Variants in ARFGEF2 observed in about 807,000 individuals in gnomAD.
The protein encoded by ARFGEF2 is brefeldin A-inhibited guanine nucleotide-exchange protein 2.
Under a neutral mutation model 219.9 loss-of-function variants are expected in ARFGEF2, and 74 were observed. The ratio of observed to expected loss-of-function variants is 0.34; its 90% CI spans 0.28 to 0.41. The LOEUF (loss-of-function observed/expected upper bound fraction) is 0.41, where lower values mean the gene tolerates loss of function less well. ARFGEF2 is among the 10% of genes least tolerant of loss of function. ARFGEF2 has a pLI of 1.00. For missense variants in ARFGEF2, 1,743 were observed against 2,218.3 expected (o/e 0.79, Z 4.30); for synonymous variants, 733 against 799.2 (o/e 0.92, Z 1.40).
At chr20:48,947,655 G>A (rs1173209440) in intron 3 of ARFGEF2, among the ~76,000 whole-genome samples, 2 of 151,758 alleles carry the variant, frequency 1.3e-5, no homozygotes, top group Non-Finnish European at 2.9e-5. Context: ...GAACTCAGGA[G>A]TTTAAGACCA....
chr20:48,924,892 CA>C (rs746138877), intron 1 of ARFGEF2, among the ~76,000 whole-genome samples: 27 of 152,118 alleles, frequency 1.8e-4, no homozygotes, highest in Admixed American at 4.6e-4. Flanking sequence ...TTGACATGTG[CA>C]AAAAACTTGG....
Position 48,971,145 on chromosome 20 carries a change from G to A in ARFGEF2, c.1216G>A (p.Val406Ile), listed in dbSNP as rs970042155. 6.2e-7 allele frequency: 1 copy of A among 1,614,100 alleles called. No homozygotes were observed. The highest frequency in any genetic ancestry group is 1.1e-5 in the South Asian group (1 of 91,068). ...PKSHELRSKVVSLQLLLSVLQ... is the reference protein window; with the variant it reads ...PKSHELRSKVISLQLLLSVLQ... ...ATCCCATGAGCTGCGTTCCAAGGTGGTTTCCCTGCAGCTGCTCCTCTCTGT... is the reference window on the plus strand; with the variant it reads ...ATCCCATGAGCTGCGTTCCAAGGTGATTTCCCTGCAGCTGCTCCTCTCTGT... Residue 406 changes from valine (V) to isoleucine (I), a missense_variant, in exon 10 of 39, where the codon GTT becomes ATT. By Grantham distance (29) the Val-to-Ile change is conservative. This residue lies in a region of ARFGEF2 where 666 missense variants were observed against 955.4 expected (regional missense o/e 0.70). Transcript: ENST00000371917.
At chr20:48,968,129 G>T (rs966817769) in intron 8 of ARFGEF2, among the ~76,000 whole-genome samples, 2 of 151,896 alleles carry the variant, frequency 1.3e-5, no homozygotes. Context: ...GAGTAGCTGG[G>T]ACTACAGGTG....
At chr20:48,932,021 G>T (rs1221707586) in intron 1 of ARFGEF2, among the ~76,000 whole-genome samples, 1 of 152,194 alleles carries the variant, frequency 6.6e-6, no homozygotes, top group Non-Finnish European at 1.5e-5. Flanking sequence ...GATGGCCCAG[G>T]TGGGAGATAA....
At chr20:49,011,831 A>AG in intron 27 of ARFGEF2, 93 bp from the exon 28 acceptor site, 1 of 1,112,746 alleles carries the variant, frequency 9.0e-7, no homozygotes, top group Non-Finnish European at 1.3e-6. Flanking sequence ...TCTCTGATGT[A>AG]TGTGTGTGTG....
chr20:48,966,073 A>G, intron 8 of ARFGEF2, 50 bp downstream of exon 8: 1 of 1,609,964 alleles, frequency 6.2e-7, no homozygotes, highest in Non-Finnish European at 8.5e-7. Flanking sequence ...TTACTTTTTC[A>G]AAAGATGCAG....
chr20:49,025,983 A>G (rs372100057), intron 36 of ARFGEF2, among the ~76,000 whole-genome samples: 6,779 of 84,122 alleles, frequency 0.081, 458 homozygotes, highest in African/African-American at 0.19. Context: ...CTCCATCTGG[A>G]AAAAAAAAAA....
At chr20:49,006,881 TTG>T (rs769130649) in intron 26 of ARFGEF2, among the ~76,000 whole-genome samples, 21 of 150,980 alleles carry the variant, frequency 1.4e-4, no homozygotes, top group Non-Finnish European at 1.6e-4. Flanking sequence ...TTGGAGGTTT[TTG>T]TTTTTTTTTT....
At chr20:48,947,394 T>G (rs2091035128) in intron 3 of ARFGEF2, among the ~76,000 whole-genome samples, 1 of 148,884 alleles carries the variant, frequency 6.7e-6, no homozygotes, top group Non-Finnish European at 1.5e-5. Flanking sequence ...AGTGAGACTC[T>G]GCCTCCAAAA....
At chr20:49,017,174 T>C in intron 31 of ARFGEF2, 75 bp from the exon 32 acceptor site, 1 of 1,477,886 alleles carries the variant, frequency 6.8e-7, no homozygotes, top group Non-Finnish European at 9.3e-7. Context: ...CAACTCACAA[T>C]ATACAGTATT....
chr20:49,026,275 G>A (rs1439693941), intron 36 of ARFGEF2, among the ~76,000 whole-genome samples: 1 of 152,066 alleles, frequency 6.6e-6, no homozygotes, highest in African/African-American at 2.4e-5. Flanking sequence ...AGGTTGCAGT[G>A]AGCCAAGATT....
chr20:48,960,746 G>C (rs1163723662), intron 6 of ARFGEF2, among the ~76,000 whole-genome samples: 1 of 150,698 alleles, frequency 6.6e-6, no homozygotes, highest in Non-Finnish European at 1.5e-5. Flanking sequence ...GCCTCCCAAA[G>C]TGCTGGGATT....
chr20:49,006,050 C>T (rs185622378), intron 26 of ARFGEF2, among the ~76,000 whole-genome samples: 20 of 152,152 alleles, frequency 1.3e-4, no homozygotes, highest in Admixed American at 9.8e-4. Context: ...AATCCCAACA[C>T]TTTGGGAGGC....
intron 37 of ARFGEF2, among the ~76,000 whole-genome samples, chr20:49,030,784 G>A (rs2091629615): frequency 6.6e-6 from 1 of 152,046 alleles, no homozygotes; most frequent in Non-Finnish European, 1.5e-5. Flanking sequence ...GGATCACAAG[G>A]TCAGGAGTTT....
chr20:48,941,760 G>C, intron 2 of ARFGEF2, 104 bp from the exon 3 acceptor site: 1 of 1,547,458 alleles, frequency 6.5e-7, no homozygotes, highest in Non-Finnish European at 8.9e-7. Flanking sequence ...CCAGGATATA[G>C]TTTGCAGGCA....
Position 48,995,813 on chromosome 20 carries a change from G to A in ARFGEF2, c.3152G>A (p.Arg1051Lys). Reference protein sequence around the residue: ...GNLVSGGVDKRQMASFQESVG... With the variant: ...GNLVSGGVDKKQMASFQESVG... ...TTGGTGAGTGGCGGAGTGGATAAAA[G>A]ACAGATGGCCAGCTTCCAAGAATCG... Residue 1051 changes from arginine to lysine, a missense_variant, in exon 23 of 39, where the codon AGA (arginine) becomes AAA (lysine). Arg to Lys is a conservative substitution (Grantham distance 26, BLOSUM62 2). Around this residue, in one of 5 missense-constraint regions of ARFGEF2, gnomAD observed 666 missense variants for 955.4 expected, o/e 0.70. Coordinates refer to ENST00000371917, the MANE Select transcript of ARFGEF2 (RefSeq NM_006420.3). 1 of 1,614,174 alleles carries A rather than the reference G, an allele frequency of 6.2e-7. No individual in the cohort carries two copies. Among genetic ancestry groups the A allele is most frequent in the Non-Finnish European group, 8.5e-7 (1 of 1,180,028 alleles).
intron 3 of ARFGEF2, among the ~76,000 whole-genome samples, chr20:48,942,808 A>G (rs894659121): frequency 6.6e-6 from 1 of 152,124 alleles, no homozygotes; most frequent in Admixed American, 6.5e-5. Flanking sequence ...GTCACCTCCC[A>G]TACTGAATTA....
At chr20:48,940,035 T>C (rs1439464318) in intron 1 of ARFGEF2, among the ~76,000 whole-genome samples, 4 of 152,228 alleles carry the variant, frequency 2.6e-5, no homozygotes, top group Admixed American at 2.6e-4. Flanking sequence ...CATGTAGAAA[T>C]ACACTCAACT....
At chr20:48,974,723 A>G (rs1568715454) in intron 12 of ARFGEF2, 43 bp from the exon 13 acceptor site, 9 of 1,533,020 alleles carry the variant, frequency 5.9e-6, no homozygotes, top group Non-Finnish European at 7.2e-6. Context: ...TGTTCTCTTC[A>G]TTTTTCTGTT....
Sources: allele counts gnomAD v4.1 joint callset (sites outside exome capture counted in the v4.1 genomes callset), GRCh38; gene constraint gnomAD v4.1.1; regional missense constraint gnomAD v4.1.1; transcripts MANE v1.5; gene names NCBI Gene and HGNC (gene_info 2026-07-23, HGNC 2026-07-21).